FBN2: variants seen among roughly 807,000 people sequenced by gnomAD.
The protein encoded by FBN2 is fibrillin-2.
A neutral mutation model predicts 355.6 loss-of-function variants in FBN2; 105 were observed. That is an observed-to-expected ratio of 0.30 (90% CI 0.25 to 0.35). FBN2 has a LOEUF of 0.35. FBN2 is among the 10% of genes least tolerant of loss of function. The pLI, the probability that FBN2 is intolerant of heterozygous loss-of-function variation, is 1.00. For missense variants in FBN2, 3,280 were observed against 3,758.7 expected, an observed-to-expected ratio of 0.87 and a Z score of 3.33; for synonymous variants, 1,350 against 1,301.2, an observed-to-expected ratio of 1.04 and a Z score of -0.81.
At chr5:128,307,251 T>A (rs1487694331) in intron 41 of FBN2, 48 bp from the exon 42 acceptor site, 5 of 1,048,700 alleles carry the variant, frequency 4.8e-6, no homozygotes, top group Non-Finnish European at 7.5e-6. Flanking sequence ...CTCAAATTCC[T>A]TCAAAATAAC....
intron 8 of FBN2, among the ~76,000 whole-genome samples, chr5:128,396,652 C>T (rs181916518): frequency 6.6e-6 from 1 of 152,324 alleles, no homozygotes; most frequent in East Asian, 1.9e-4. Flanking sequence ...CAAAAGACTG[C>T]ATAAAATGCA....
At chr5:128,292,896 T>G (rs1749366706) in intron 48 of FBN2, among the ~76,000 whole-genome samples, 1 of 152,158 alleles carries the variant, frequency 6.6e-6, no homozygotes, top group Non-Finnish European at 1.5e-5. Context: ...TGCTCCCATC[T>G]CCTGAACAGA....
intron 11 of FBN2, among the ~76,000 whole-genome samples, chr5:128,388,939 T>C (rs1413336670): frequency 6.6e-6 from 1 of 152,210 alleles, no homozygotes; most frequent in Admixed American, 6.5e-5. Context: ...GTTTTCCAAG[T>C]TGCTTGCTCT....
intron 7 of FBN2, among the ~76,000 whole-genome samples, chr5:128,429,430 T>A (rs1327317241): frequency 1.3e-5 from 2 of 152,186 alleles, no homozygotes; most frequent in African/African-American, 4.8e-5. Context: ...TTAATTATCT[T>A]CTTAAAGAGG....
rs536242166 is a variant in FBN2 at position 128,259,131 on chromosome 5, GA to G, written c.*323del. ...CCAAAGTGTTACAGACTGCTAACAG[GA>G]AAAAAAAAAAAAGCTCACATTATTT... is the stretch of plus-strand genomic sequence containing the variant. On this transcript the variant is annotated 3_prime_UTR_variant, in exon 65 of 65. Coordinates refer to ENST00000262464, the MANE Select transcript of FBN2 (RefSeq NM_001999.4). 17,937 of 223,000 alleles carry G rather than the reference GA, an allele frequency of 0.08. No individual in the cohort carries two copies. The highest frequency in any genetic ancestry group is 0.16 in the South Asian group (2,030 of 12,916). 13.8% of individuals were successfully genotyped at this position (223,000 alleles called of 1,614,324 possible).
chr5:128,346,192 C>T (rs1052308381), intron 23 of FBN2, among the ~76,000 whole-genome samples: 3 of 152,152 alleles, frequency 2.0e-5, no homozygotes, highest in Admixed American at 1.3e-4. Flanking sequence ...AACAGACCAA[C>T]ATTTCAGTGC....
intron 18 of FBN2, among the ~76,000 whole-genome samples, chr5:128,364,314 T>C (rs1751713118): frequency 6.6e-6 from 1 of 152,156 alleles, no homozygotes; most frequent in Non-Finnish European, 1.5e-5. Flanking sequence ...AAATTCTTCG[T>C]AAAAAATTAC....
intron 48 of FBN2, among the ~76,000 whole-genome samples, chr5:128,299,785 C>T (rs1749661511): frequency 6.6e-6 from 1 of 152,178 alleles, no homozygotes; most frequent in African/African-American, 2.4e-5. Context: ...CCCGTCTTCT[C>T]CGTCACTCAT....
At chr5:128,315,653 C>A (rs1056759775) in intron 36 of FBN2, among the ~76,000 whole-genome samples, 13 of 152,268 alleles carry the variant, frequency 8.5e-5, no homozygotes, top group African/African-American at 2.6e-4. Context: ...TTCCAGTAAC[C>A]TTTTATACAT....
chr5:128,391,868 C>T, intron 11 of FBN2, 150 bp downstream of exon 11: 1 of 694,242 alleles, frequency 1.4e-6, no homozygotes, highest in Non-Finnish European at 2.5e-6. Flanking sequence ...GTTAAGGGGG[C>T]ACACTGAATA....
chr5:128,306,034 G>T, intron 42 of FBN2, 86 bp from the exon 43 acceptor site: 1 of 1,298,364 alleles, frequency 7.7e-7, no homozygotes, highest in Non-Finnish European at 1.1e-6. Context: ...CATGTACCCT[G>T]GGATGAGTAC....
At chr5:128,370,888 T>C (rs1201067308) in intron 15 of FBN2, among the ~76,000 whole-genome samples, 1 of 152,160 alleles carries the variant, frequency 6.6e-6, no homozygotes, top group East Asian at 1.9e-4. Flanking sequence ...AACTTATGTG[T>C]AGGTTTTACG....
Position 128,358,158 on chromosome 5 carries a change from T to G in FBN2, c.2555-763A>C, listed in dbSNP as rs576314405. Among the ~76,000 whole-genome samples, 90 of 152,116 alleles carry G rather than the reference T, an allele frequency of 5.9e-4. 1 individual carries two copies. In the South Asian group the frequency reaches 0.018, roughly 31 times the overall value. ...GTTCTCAAATGGTGATTACAGAAAA[T>G]GTCAAGCCTGTAATGTGAAATAGTT... On this transcript the variant is annotated intron_variant, in intron 19 of 64. Coordinates refer to ENST00000262464, the MANE Select transcript of FBN2 (RefSeq NM_001999.4).
chr5:128,289,725 T>C lies in FBN2; in HGVS notation c.6511+157A>G, dbSNP rs32213. On this transcript the variant is annotated intron_variant, in intron 51 of 64. Coordinates refer to ENST00000262464, the MANE Select transcript of FBN2 (RefSeq NM_001999.4). ...TATCACGATATAATCTTATGATATA[T>C]GTATAATGTATATGATACAAAATAA... 0.099 allele frequency among the ~76,000 whole-genome samples: 15,097 copies of C among 152,220 alleles called. 1,598 individuals are homozygous for C. Among genetic ancestry groups the C allele is most frequent in the East Asian group, 0.6 (3,083 of 5,156 alleles).
At chr5:128,262,256 G>A (rs1167666659) in intron 63 of FBN2, among the ~76,000 whole-genome samples, 2 of 152,068 alleles carry the variant, frequency 1.3e-5, no homozygotes, top group Non-Finnish European at 2.9e-5. Flanking sequence ...ATAGGGTCTT[G>A]CTATGTTGCC....
chr5:128,311,320 T>A lies in FBN2; in HGVS notation c.5054A>T (p.Glu1685Val), dbSNP rs776175131. 6.2e-7 allele frequency: 1 copy of A among 1,614,120 alleles called. No individual in the cohort carries two copies. Among genetic ancestry groups the A allele is most frequent in the East Asian group, 2.2e-5 (1 of 44,858 alleles). Residue 1685 changes from glutamate to valine, a missense_variant, in exon 39 of 65, where the codon GAG becomes GTG. By Grantham distance (121) the Glu-to-Val change is moderately radical. Coordinates refer to ENST00000262464, the MANE Select transcript of FBN2 (RefSeq NM_001999.4). ...CTCACCTTCACAGATGCGGGTATCC[T>A]CGCTGAGGTAGTAGCCTTGTGGGCA... ...CECPQGYYLS[E>V]DTRICEDIDE...
At chr5:128,316,896 G>A (rs1304249044) in intron 36 of FBN2, among the ~76,000 whole-genome samples, 1 of 152,130 alleles carries the variant, frequency 6.6e-6, no homozygotes, top group African/African-American at 2.4e-5. Context: ...GGGTGTAACA[G>A]GCATCAATAT....
chr5:128,493,064 C>G (rs1353112781), intron 5 of FBN2, among the ~76,000 whole-genome samples: 2 of 152,058 alleles, frequency 1.3e-5, no homozygotes, highest in African/African-American at 4.8e-5. Context: ...TCTAGGGATA[C>G]AAAGGCAAAT....
chr5:128,398,225 C>A (rs1254359234), intron 8 of FBN2, among the ~76,000 whole-genome samples: 2 of 151,964 alleles, frequency 1.3e-5, no homozygotes, highest in Non-Finnish European at 2.9e-5. Flanking sequence ...TCAAAAAATT[C>A]TCATAAAGTT....
Sources: allele counts gnomAD v4.1 joint callset (sites outside exome capture counted in the v4.1 genomes callset), GRCh38; gene constraint gnomAD v4.1.1; transcripts MANE v1.5; gene names NCBI Gene and HGNC (gene_info 2026-07-23, HGNC 2026-07-21).